The following NAT10 variants were observed in gnomAD, a reference collection of about 807,000 sequenced individuals.
NAT10 encodes the protein RNA cytidine acetyltransferase.
Under a neutral mutation model 132.2 loss-of-function variants are expected in NAT10, and 109 were observed. The ratio of observed to expected loss-of-function variants is 0.82; its 90% CI spans 0.71 to 0.97. The LOEUF (loss-of-function observed/expected upper bound fraction) is 0.97, where lower values mean the gene tolerates loss of function less well. NAT10 is among the 50% of genes least tolerant of loss of function. NAT10 has a pLI of 0.00. For missense variants in NAT10, 1,184 were observed against 1,263.4 expected (o/e 0.94, Z 0.95); for synonymous variants, 479 against 478.0 (o/e 1.00, Z -0.03).
chr11:34,134,707 G>T, intron 18 of NAT10, 121 bp downstream of exon 18: 1 of 865,700 alleles, frequency 1.2e-6, no homozygotes, highest in East Asian at 2.5e-5. Context: ...GCACTTCCCT[G>T]CTCTGGAGAA....
At position 34,105,695 on chromosome 11, in the gene NAT10, T is replaced by C. The variant is rs1410730557; in HGVS notation, c.-113T>C. ...CGTGACCCGGACACCAGGCATACGCTAGGGGCAGTCAGCTGTGCCTTCTCT... is the reference window on the plus strand; with the variant it reads ...CGTGACCCGGACACCAGGCATACGCCAGGGGCAGTCAGCTGTGCCTTCTCT... On this transcript the variant is annotated 5_prime_UTR_variant, in exon 1 of 29. Transcript: ENST00000257829. The C allele has an allele frequency of 6.6e-6, 1 of 152,348 alleles. No individual in the cohort carries two copies. Among genetic ancestry groups the C allele is most frequent in the Non-Finnish European group, 1.5e-5 (1 of 68,098 alleles). 9.4% of individuals were successfully genotyped at this position (152,348 alleles called of 1,614,324 possible).
intron 9 of NAT10, among the ~76,000 whole-genome samples, chr11:34,123,098 A>G (rs1851925484): frequency 6.6e-6 from 1 of 152,238 alleles, no homozygotes; most frequent in African/African-American, 2.4e-5. Flanking sequence ...CTTCTCGGCC[A>G]TAATAATGAA....
chr11:34,131,668 T>A, intron 14 of NAT10, 137 bp downstream of exon 14: 5 of 898,956 alleles, frequency 5.6e-6, no homozygotes, highest in African/African-American at 1.7e-5. Flanking sequence ...TTCCTTTTTC[T>A]CTTCCTTTTT....
rs1243263859 is a variant in NAT10 at position 34,115,746 on chromosome 11, T to C, written c.496-77T>C. On this transcript the variant is annotated intron_variant, in intron 5 of 28. Coordinates refer to ENST00000257829, the MANE Select transcript of NAT10 (RefSeq NM_024662.3). The stretch of plus-strand genomic sequence containing the variant: ...GCAAGATTGCCCATGTCTCCTTGGA[T>C]AGAGCTTTGTATTTGGACCCTGGTC... 4.8e-6 allele frequency: 7 copies of C among 1,452,266 alleles called. No individual in the cohort carries two copies. The Admixed American group carries it at 7.1e-5, about 15-fold the overall frequency. The allele number at this position is 1,452,266 out of a possible 1,614,324, so 90.0% of individuals were successfully genotyped here. A position where few individuals can be genotyped will look rare whatever the true frequency, so the allele number is the denominator to read the frequency against.
intron 25 of NAT10, 82 bp downstream of exon 25, chr11:34,141,290 G>A (rs2132981797): frequency 1.9e-6 from 3 of 1,567,678 alleles, no homozygotes; most frequent in East Asian, 2.3e-5. Context: ...ATGAACACAT[G>A]TTAGCATTTA....
At chr11:34,108,416 C>A in intron 2 of NAT10, 83 bp downstream of exon 2, 1 of 1,106,258 alleles carries the variant, frequency 9.0e-7, no homozygotes, top group Non-Finnish European at 1.4e-6. Flanking sequence ...TGTTTCAGGA[C>A]ATAATGGCAT....
At chr11:34,141,607 T>C (rs1400016272) in intron 25 of NAT10, 112 bp from the exon 26 acceptor site, 5 of 900,634 alleles carry the variant, frequency 5.6e-6, no homozygotes, top group Non-Finnish European at 8.7e-6. Flanking sequence ...GAGTGTTGCT[T>C]TGTGTCTTCA....
In NAT10 at chr11:34,115,857, AG is replaced by A. The variant is rs1851774867; in HGVS notation, c.532del (p.Asp178MetfsTer58). 6.2e-7 allele frequency: 1 copy of A among 1,614,006 alleles called. No individual in the cohort carries two copies. Among genetic ancestry groups the A allele is most frequent in the African/African-American group, 1.3e-5 (1 of 74,932 alleles). On this transcript the variant is annotated frameshift_variant, in exon 6 of 29. Transcript: ENST00000257829. LOFTEE classifies it high-confidence loss of function. Reference sequence around the variant, plus strand: ...TCCAGGTACAGAACTGAGGCCCATCAGGATGTGGTGGGAAGATTTAATGAAA... The same window carrying A: ...TCCAGGTACAGAACTGAGGCCCATCAGATGTGGTGGGAAGATTTAATGAAA... ...VHSRYRTEAH[Q>X]DVVGRFNERF...
chr11:34,111,983 C>T (rs954248573), intron 3 of NAT10, 69 bp from the exon 4 acceptor site: 1 of 1,575,218 alleles, frequency 6.3e-7, no homozygotes, highest in African/African-American at 1.4e-5. Context: ...CTGAGCCTTT[C>T]CCCTGGTTCC....
chr11:34,120,514 T>G (rs901170810), intron 8 of NAT10, among the ~76,000 whole-genome samples: 1 of 152,218 alleles, frequency 6.6e-6, no homozygotes, highest in Non-Finnish European at 1.5e-5. Flanking sequence ...CCATCTGGCC[T>G]TCTTCCCACC....
Position 34,122,584 on chromosome 11 carries a change from G to T in NAT10, c.906G>T (p.Val302=). 1 of 1,614,056 alleles carries T rather than the reference G, an allele frequency of 6.2e-7. No homozygotes were observed. Among genetic ancestry groups the T allele is most frequent in the East Asian group, 2.2e-5 (1 of 44,882 alleles). ...TGGGATTGGCGATTGCTGGGGCGGT[G>T]GCATTTGGGTAAGGGGATTCAGTCC... ...AALGLAIAGA[V]AFGYSNIFVT... is the part of the protein sequence containing the mutation. Residue 302 remains valine (V), a synonymous_variant, in exon 9 of 29, where the codon GTG becomes GTT. Coordinates refer to ENST00000257829, the MANE Select transcript of NAT10 (RefSeq NM_024662.3).
Position 34,118,526 on chromosome 11 carries a change from C to T in NAT10, c.780+23C>T, listed in dbSNP as rs375433717. 1.2e-5 allele frequency: 19 copies of T among 1,589,164 alleles called. No homozygotes were observed. The African/African-American group carries it at 2.6e-4, about 21-fold the overall frequency. On this transcript the variant is annotated intron_variant, in intron 8 of 28. Coordinates refer to ENST00000257829, the MANE Select transcript of NAT10 (RefSeq NM_024662.3). ...CAGGTGAGTGTGGTGCTCAGCACTT[C>T]CAACACAAAGGTAGTAAAACATAGC... is the stretch of plus-strand genomic sequence containing the variant.
intron 6 of NAT10, 108 bp from the exon 7 acceptor site, chr11:34,118,071 CT>C: frequency 5.9e-6 from 5 of 853,922 alleles, no homozygotes; most frequent in Non-Finnish European, 3.6e-6. Context: ...CTTTTTCTGG[CT>C]TTCTTAGAGA....
intron 8 of NAT10, among the ~76,000 whole-genome samples, chr11:34,121,161 AG>A (rs1450244957): frequency 6.6e-6 from 1 of 152,150 alleles, no homozygotes; most frequent in African/African-American, 2.4e-5. Context: ...GTCTCCTTTC[AG>A]CACAGCTGCC....
chr11:34,110,054 A>G (rs1256180524), intron 3 of NAT10, among the ~76,000 whole-genome samples: 1 of 152,156 alleles, frequency 6.6e-6, no homozygotes, highest in Admixed American at 6.5e-5. Flanking sequence ...TGGGGTGGGT[A>G]GTGCTGTTCC....
At position 34,146,769 on chromosome 11, in the gene NAT10, A is replaced by G. The variant is rs1379994061; in HGVS notation, c.*577A>G. 1 of 152,352 alleles carries G rather than the reference A, an allele frequency of 6.6e-6. No individual in the cohort carries two copies. The highest frequency in any genetic ancestry group is 1.9e-4 in the East Asian group (1 of 5,196). The allele number at this position is 152,352 out of a possible 1,614,324, so 9.4% of individuals were successfully genotyped here. ...CTGTCCCAGAAAAGCCTGATCCTGT[A>G]GTTTATGTAGAATGCCACATCTGCG... On this transcript the variant is annotated 3_prime_UTR_variant, in exon 29 of 29. Coordinates refer to ENST00000257829, the MANE Select transcript of NAT10 (RefSeq NM_024662.3).
intron 21 of NAT10, chr11:34,138,947 G>A (rs1410086709): frequency 4.1e-6 from 2 of 487,848 alleles, no homozygotes; most frequent in Non-Finnish European, 7.4e-6. Flanking sequence ...TCTTCTCTGT[G>A]TCTGTGACAC....
chr11:34,141,572 C>A, intron 25 of NAT10, 147 bp from the exon 26 acceptor site: 1 of 718,332 alleles, frequency 1.4e-6, no homozygotes, highest in Non-Finnish European at 2.3e-6. Flanking sequence ...GCTCTTCCCG[C>A]TAATATCCAC....
At chr11:34,142,372 G>T in intron 27 of NAT10, 24 bp downstream of exon 27, 1 of 1,608,068 alleles carries the variant, frequency 6.2e-7, no homozygotes, top group Non-Finnish European at 8.5e-7. Context: ...GAAGCAGAGG[G>T]TTTGCCTTGG....
Sources: allele counts gnomAD v4.1 joint callset (sites outside exome capture counted in the v4.1 genomes callset), GRCh38; gene constraint gnomAD v4.1.1; transcripts MANE v1.5; gene names NCBI Gene and HGNC (gene_info 2026-07-23, HGNC 2026-07-21).